CMIP: variants seen among roughly 807,000 people sequenced by gnomAD.
The protein encoded by CMIP is c-Maf inducing protein, also known as C-Maf-inducing protein.
A neutral mutation model predicts 97.3 loss-of-function variants in CMIP; 13 were observed. The ratio of observed to expected loss-of-function variants is 0.13; its 90% CI spans 0.09 to 0.21. The LOEUF (loss-of-function observed/expected upper bound fraction) is 0.21. Ranked by LOEUF, CMIP falls within the 10% of genes least tolerant of loss-of-function variation. CMIP has a pLI of 1.00. For missense variants in CMIP, 847 were observed against 1,024.9 expected (o/e 0.83, Z 2.37); for synonymous variants, 538 against 436.3 (o/e 1.23, Z -2.91).
At chr16:81,689,016 C>T (rs1025974138) in intron 10 of CMIP, among the ~76,000 whole-genome samples, 5 of 152,196 alleles carry the variant, frequency 3.3e-5, no homozygotes, top group African/African-American at 1.2e-4. Context: ...CATAGTATTC[C>T]ATGGTGTATA....
At chr16:81,693,407 G>A (rs777913417) in intron 12 of CMIP, 32 bp from the exon 13 acceptor site, 53 of 1,603,164 alleles carry the variant, frequency 3.3e-5, no homozygotes, top group Non-Finnish European at 4.2e-5. Flanking sequence ...TCCAGACCCC[G>A]GCAGTAACTC....
intron 1 of CMIP, among the ~76,000 whole-genome samples, chr16:81,534,254 C>A (rs2090298364): frequency 6.6e-6 from 1 of 152,194 alleles, no homozygotes; most frequent in Admixed American, 6.5e-5. Flanking sequence ...GCCCAGTGGC[C>A]CTCAGTCAGG....
At chr16:81,618,472 G>A (rs1384254125) in intron 2 of CMIP, 2 of 152,242 alleles carry the variant, frequency 1.3e-5, no homozygotes, top group African/African-American at 4.8e-5. Context: ...AAGGGATTTA[G>A]GATGGAACAT....
At chr16:81,481,311 C>T (rs1292140565) in intron 1 of CMIP, among the ~76,000 whole-genome samples, 3 of 152,156 alleles carry the variant, frequency 2.0e-5, no homozygotes, top group Non-Finnish European at 2.9e-5. Flanking sequence ...TGCATGAGCT[C>T]CCTCATTCCA....
intron 1 of CMIP, among the ~76,000 whole-genome samples, chr16:81,446,233 G>A (rs1905833591): frequency 6.6e-6 from 1 of 152,074 alleles, no homozygotes; most frequent in Non-Finnish European, 1.5e-5. Context: ...GCCCTGGTCC[G>A]GCATTGTCTG....
At chr16:81,695,222 A>T (rs1906575936) in intron 13 of CMIP, among the ~76,000 whole-genome samples, 1 of 152,108 alleles carries the variant, frequency 6.6e-6, no homozygotes, top group Non-Finnish European at 1.5e-5. Flanking sequence ...TTCTCTGCTG[A>T]TTCTCTCTCC....
chr16:81,578,823 GCC>G lies in CMIP; in HGVS notation c.301-28743_301-28742del, dbSNP rs2091246764. ...AAAGTTCCATGGCAGATAAGCCCGT[GCC>G]ATTGCAGGGAAGCCTTCACTCCAAA... On this transcript the variant is annotated intron_variant, in intron 1 of 20. Transcript: ENST00000537098. 2.0e-5 allele frequency among the ~76,000 whole-genome samples: 3 copies of G among 152,224 alleles called. No homozygotes were observed. The South Asian group carries it at 6.2e-4, about 31-fold the overall frequency.
At chr16:81,674,328 T>C (rs2151048114) in intron 9 of CMIP, among the ~76,000 whole-genome samples, 1 of 152,338 alleles carries the variant, frequency 6.6e-6, no homozygotes, top group East Asian at 1.9e-4. Flanking sequence ...AAATGGGGTT[T>C]CACCATGTTA....
At chr16:81,540,673 TG>T in intron 1 of CMIP, among the ~76,000 whole-genome samples, 1 of 151,262 alleles carries the variant, frequency 6.6e-6, no homozygotes, top group Non-Finnish European at 1.5e-5. Flanking sequence ...TGTGTGTGTG[TG>T]TGTGTGTGTG....
rs190423975 is a variant in CMIP at position 81,458,280 on chromosome 16, G to A, written c.300+12739G>A. Among the ~76,000 whole-genome samples, 278 of 152,226 alleles carry A rather than the reference G, an allele frequency of 1.8e-3. 3 individuals are homozygous for A. Among genetic ancestry groups the A allele is most frequent in the East Asian group, 0.012 (62 of 5,176 alleles). On this transcript the variant is annotated intron_variant, in intron 1 of 20. Coordinates refer to ENST00000537098, the MANE Select transcript of CMIP (RefSeq NM_198390.3). ...TTTTTATAGCTGAACCCCATCACCT[G>A]GAAGGCTATTAAAAAGCAAGGTTCT...
At position 81,583,788 on chromosome 16, in the gene CMIP, C is replaced by T. The variant is rs146540716; in HGVS notation, c.301-23779C>T. On this transcript the variant is annotated intron_variant, in intron 1 of 20. Transcript: ENST00000537098. ...AAAGCCTTATGGAGGCTACTGAATA[C>T]AAGGCCAAGGGGGCTGGATTTTTCT... 6.3e-3 allele frequency among the ~76,000 whole-genome samples: 966 copies of T among 152,244 alleles called. 10 individuals are homozygous for T. The highest frequency in any genetic ancestry group is 0.022 in the African/African-American group (921 of 41,542).
intron 1 of CMIP, among the ~76,000 whole-genome samples, chr16:81,448,787 C>G (rs1443850774): frequency 1.3e-5 from 2 of 152,238 alleles, no homozygotes; most frequent in East Asian, 3.8e-4. Context: ...ATAGGGAGGC[C>G]AGGGCCCCCT....
intron 16 of CMIP, 138 bp downstream of exon 16, chr16:81,701,938 A>T (rs1454165749): frequency 2.9e-6 from 3 of 1,018,002 alleles, no homozygotes; most frequent in Admixed American, 2.3e-5. Flanking sequence ...AGAAATTGGT[A>T]TTACCACCTG....
rs543409717 is a variant in CMIP, at chr16:81,484,134, G to A, written c.300+38593G>A. The stretch of plus-strand genomic sequence containing the variant: ...TCACCGAGATAGTTTCAGGTCCTTG[G>A]CCATCATCTTTTTCCACCAACTCCA... On this transcript the variant is annotated intron_variant, in intron 1 of 20. Transcript: ENST00000537098. Among the ~76,000 whole-genome samples the A allele has an allele frequency of 3.3e-5, 5 of 152,200 alleles. No homozygotes were observed. In the East Asian group the frequency reaches 9.7e-4, roughly 29 times the overall value.
At chr16:81,454,704 A>G (rs1597444834) in intron 1 of CMIP, among the ~76,000 whole-genome samples, 1 of 152,254 alleles carries the variant, frequency 6.6e-6, no homozygotes. Flanking sequence ...CAAGGGACTC[A>G]TAGTTAAATG....
intron 10 of CMIP, among the ~76,000 whole-genome samples, chr16:81,683,570 A>T (rs1045742211): frequency 3.3e-5 from 5 of 151,430 alleles, no homozygotes; most frequent in Non-Finnish European, 5.9e-5. Flanking sequence ...TTGTATTTTT[A>T]GTAGAGACGG....
chr16:81,524,690 G>T (rs1308990251), intron 1 of CMIP, among the ~76,000 whole-genome samples: 2 of 152,228 alleles, frequency 1.3e-5, no homozygotes, highest in African/African-American at 4.8e-5. Context: ...GCCCTGCTCA[G>T]AGCCACCCAG....
chr16:81,588,895 G>A (rs77236549), intron 1 of CMIP, among the ~76,000 whole-genome samples: 198 of 152,170 alleles, frequency 1.3e-3, no homozygotes, highest in African/African-American at 4.6e-3. Flanking sequence ...TGAGGAGACC[G>A]AGGTTCATAA....
At chr16:81,511,784 A>G (rs2089815155) in intron 1 of CMIP, among the ~76,000 whole-genome samples, 1 of 151,984 alleles carries the variant, frequency 6.6e-6, no homozygotes, top group Non-Finnish European at 1.5e-5. Flanking sequence ...CTGGTCTCGA[A>G]CTCCTGGGCT....
Sources: allele counts gnomAD v4.1 joint callset (sites outside exome capture counted in the v4.1 genomes callset), GRCh38; gene constraint gnomAD v4.1.1; transcripts MANE v1.5; gene names NCBI Gene and HGNC (gene_info 2026-07-23, HGNC 2026-07-21).